Variants in KIAA1217 observed in about 807,000 individuals in gnomAD.
The protein encoded by KIAA1217 is sickle tail protein homolog.
In KIAA1217, 88 loss-of-function variants were observed where a neutral mutation model predicts 163.9. The observed-to-expected ratio is 0.54, with a 90% CI of 0.45 to 0.64. The LOEUF (loss-of-function observed/expected upper bound fraction) is 0.64, where lower values mean the gene tolerates loss of function less well. Among genes scored for constraint, KIAA1217 ranks in the 30% least tolerant of loss-of-function variants. KIAA1217 has a pLI of 0.00. For synonymous variants in KIAA1217, 903 were observed against 923.1 expected, an observed-to-expected ratio of 0.98 and a Z score of 0.39; for missense variants, 2,372 against 2,475.0, an observed-to-expected ratio of 0.96 and a Z score of 0.88.
At chr10:24,409,983 T>G (rs1466215354) in intron 3 of KIAA1217, among the ~76,000 whole-genome samples, 1 of 148,436 alleles carries the variant, frequency 6.7e-6, no homozygotes, top group Non-Finnish European at 1.5e-5. Context: ...TCTTTTCTTT[T>G]CTTTTTCTTT....
At chr10:23,809,682 A>G (rs920807139) in intron 1 of KIAA1217, among the ~76,000 whole-genome samples, 1 of 152,086 alleles carries the variant, frequency 6.6e-6, no homozygotes, top group Non-Finnish European at 1.5e-5. Flanking sequence ...AATGAAGTTC[A>G]ATATACAAAA....
chr10:23,825,762 A>G (rs1039513693), intron 1 of KIAA1217, among the ~76,000 whole-genome samples: 4 of 152,234 alleles, frequency 2.6e-5, no homozygotes, highest in African/African-American at 4.8e-5. Context: ...ACAGTAAAAA[A>G]ATAGTGGTAA....
chr10:24,524,492 G>A lies in KIAA1217; in HGVS notation c.2626G>A (p.Val876Met), dbSNP rs749708682. The stretch of plus-strand genomic sequence containing the variant: ...TGCCCCTGGCGATGCGAAGTCGGAA[G>A]TGGTGCCTTTGTCCGGCATGATGGT... ...TGAPGDAKSEVVPLSGMMVRH... is the reference protein window; with the variant it reads ...TGAPGDAKSEMVPLSGMMVRH... The change falls in exon 13 of 21, where the codon GTG (valine) becomes ATG (methionine). Residue 876 changes from valine (V) to methionine (M), a missense_variant. By Grantham distance (21) the Val-to-Met change is conservative. Transcript: ENST00000376454. The A allele has an allele frequency of 1.9e-6, 3 of 1,614,196 alleles. No individual in the cohort carries two copies. Among genetic ancestry groups the A allele is most frequent in the Non-Finnish European group, 2.5e-6 (3 of 1,180,048 alleles).
chr10:23,823,878 G>T (rs1417841553), intron 1 of KIAA1217, among the ~76,000 whole-genome samples: 1 of 151,754 alleles, frequency 6.6e-6, no homozygotes, highest in Non-Finnish European at 1.5e-5. Context: ...AAGTTGCATA[G>T]ATGGAGAAGA....
intron 3 of KIAA1217, among the ~76,000 whole-genome samples, chr10:24,430,720 G>A (rs2059538378): frequency 6.6e-6 from 1 of 152,184 alleles, no homozygotes; most frequent in African/African-American, 2.4e-5. Flanking sequence ...GCAGTTCACA[G>A]TAGGGTTCAC....
At chr10:24,026,305 T>C (rs1262438425) in intron 2 of KIAA1217, among the ~76,000 whole-genome samples, 1 of 151,958 alleles carries the variant, frequency 6.6e-6, no homozygotes, top group Non-Finnish European at 1.5e-5. Context: ...AAGTATTCCC[T>C]CTGCTTCTAT....
chr10:24,461,020 T>C (rs950549593), intron 5 of KIAA1217, among the ~76,000 whole-genome samples: 1 of 152,142 alleles, frequency 6.6e-6, no homozygotes, highest in Non-Finnish European at 1.5e-5. Context: ...TGAGAAGACA[T>C]TGACAGACCA....
chr10:24,106,392 C>G (rs902268043), intron 2 of KIAA1217, among the ~76,000 whole-genome samples: 1 of 151,710 alleles, frequency 6.6e-6, no homozygotes, highest in Admixed American at 6.6e-5. Context: ...TTCCTCCTGC[C>G]TAGAATGTAG....
At chr10:24,418,570 A>G (rs1041556376) in intron 3 of KIAA1217, among the ~76,000 whole-genome samples, 1 of 152,214 alleles carries the variant, frequency 6.6e-6, no homozygotes, top group South Asian at 2.1e-4. Context: ...TGTAATAACT[A>G]CTGGTTATCA....
intron 1 of KIAA1217, among the ~76,000 whole-genome samples, chr10:23,702,637 T>G (rs1836535676): frequency 2.0e-5 from 3 of 150,410 alleles, no homozygotes; most frequent in African/African-American, 7.4e-5. Flanking sequence ...CCTTGACTCC[T>G]TGCTAGTTTA....
intron 2 of KIAA1217, among the ~76,000 whole-genome samples, chr10:24,239,591 C>T (rs1156326019): frequency 1.3e-5 from 2 of 149,390 alleles, no homozygotes; most frequent in East Asian, 2.0e-4. Flanking sequence ...CCGGTGAATA[C>T]TGCTATAAAA....
chr10:24,508,973 T>C (rs1203565844), intron 9 of KIAA1217, among the ~76,000 whole-genome samples: 1 of 152,220 alleles, frequency 6.6e-6, no homozygotes, highest in African/African-American at 2.4e-5. Flanking sequence ...CAGCAGTGGT[T>C]ACATCAGTGT....
intron 2 of KIAA1217, among the ~76,000 whole-genome samples, chr10:24,364,649 G>A (rs1057449065): frequency 2.0e-5 from 3 of 152,062 alleles, no homozygotes; most frequent in Admixed American, 1.3e-4. Flanking sequence ...CTAGGTTTCC[G>A]TGACCTTAGT....
At chr10:24,065,880 C>G (rs984851989) in intron 2 of KIAA1217, among the ~76,000 whole-genome samples, 4 of 152,068 alleles carry the variant, frequency 2.6e-5, no homozygotes, top group Non-Finnish European at 4.4e-5. Flanking sequence ...TGAATTGATC[C>G]CTTTAACATT....
chr10:23,861,150 C>A (rs1030478913), intron 1 of KIAA1217, among the ~76,000 whole-genome samples: 1 of 151,922 alleles, frequency 6.6e-6, no homozygotes, highest in Non-Finnish European at 1.5e-5. Context: ...TGGGTTCAAA[C>A]AATCTGCCCA....
intron 2 of KIAA1217, among the ~76,000 whole-genome samples, chr10:24,104,926 G>C (rs2062564665): frequency 6.6e-6 from 1 of 152,090 alleles, no homozygotes; most frequent in Admixed American, 6.5e-5. Context: ...CTCTTCATCT[G>C]GTTTTACCTG....
At chr10:23,925,306 T>C (rs184441036) in intron 1 of KIAA1217, among the ~76,000 whole-genome samples, 14 of 152,238 alleles carry the variant, frequency 9.2e-5, no homozygotes, top group African/African-American at 2.9e-4. Context: ...TCAACAAATA[T>C]TTACTAAGCC....
chr10:23,875,238 C>G (rs1473939266), intron 1 of KIAA1217, among the ~76,000 whole-genome samples: 2 of 151,878 alleles, frequency 1.3e-5, no homozygotes. Flanking sequence ...TAAACCATAT[C>G]AGAAGGAAAG....
At position 24,521,719 on chromosome 10, in the gene KIAA1217, C is replaced by T. The variant is rs890389308; in HGVS notation, c.2309-63C>T. The stretch of plus-strand genomic sequence containing the variant: ...CACTTCTCTGTCCAGTATCGGAGTG[C>T]GGGATGAGGGTTGTCGTTCTGGCTT... On this transcript the variant is annotated intron_variant, in intron 11 of 20. Coordinates refer to ENST00000376454, the MANE Select transcript of KIAA1217 (RefSeq NM_019590.5). The T allele has an allele frequency of 3.3e-5, 51 of 1,558,816 alleles. No individual in the cohort carries two copies. In the Middle Eastern group the frequency reaches 5.1e-4, roughly 16 times the overall value.
Sources: allele counts gnomAD v4.1 joint callset (sites outside exome capture counted in the v4.1 genomes callset), GRCh38; gene constraint gnomAD v4.1.1; transcripts MANE v1.5; gene names NCBI Gene and HGNC (gene_info 2026-07-23, HGNC 2026-07-21).